CRYBG1: variants seen among roughly 807,000 people sequenced by gnomAD.
CRYBG1 encodes the protein crystallin beta-gamma domain containing 1, also known as beta/gamma crystallin domain-containing protein 1.
A neutral mutation model predicts 189.2 loss-of-function variants in CRYBG1; 139 were observed. The observed-to-expected ratio is 0.73, with a 90% CI of 0.64 to 0.85. The LOEUF (loss-of-function observed/expected upper bound fraction) is 0.85. Ranked by LOEUF, CRYBG1 falls within the 40% of genes least tolerant of loss-of-function variation. The pLI is 0.00. For synonymous variants in CRYBG1, 1,023 were observed against 1,017.1 expected (o/e 1.01, Z -0.11); for missense variants, 2,611 against 2,675.8 (o/e 0.98, Z 0.53).
chr6:106,415,366 C>T (rs936914342), intron 1 of CRYBG1, among the ~76,000 whole-genome samples: 5 of 152,254 alleles, frequency 3.3e-5, no homozygotes, highest in African/African-American at 9.6e-5. Flanking sequence ...CTACCTCTGC[C>T]CTCAAGGTTG....
chr6:106,478,280 T>G (rs1326756613), intron 2 of CRYBG1, among the ~76,000 whole-genome samples: 1 of 152,252 alleles, frequency 6.6e-6, no homozygotes, highest in Non-Finnish European at 1.5e-5. Context: ...GAAGATTAGA[T>G]CTATCTTATC....
intron 1 of CRYBG1, among the ~76,000 whole-genome samples, chr6:106,434,254 A>G (rs9386541): frequency 0.6 from 91,706 of 151,850 alleles, 29,000 homozygotes; most frequent in African/African-American, 0.79. Flanking sequence ...GAAGTGAGGT[A>G]TCACCACTTC....
intron 1 of CRYBG1, among the ~76,000 whole-genome samples, chr6:106,373,798 T>C (rs138192912): frequency 1.3e-5 from 2 of 152,358 alleles, no homozygotes; most frequent in Admixed American, 6.5e-5. Flanking sequence ...TCATTAATAC[T>C]GTTCATTTTC....
At chr6:106,546,410 AT>A (rs1387790546) in intron 13 of CRYBG1, among the ~76,000 whole-genome samples, 1 of 152,250 alleles carries the variant, frequency 6.6e-6, no homozygotes, top group East Asian at 1.9e-4. Flanking sequence ...GACATAGACT[AT>A]TTGAATCATC....
At chr6:106,391,137 G>A (rs939378249) in intron 1 of CRYBG1, among the ~76,000 whole-genome samples, 9 of 152,052 alleles carry the variant, frequency 5.9e-5, no homozygotes, top group Admixed American at 2.6e-4. Flanking sequence ...GCGTGATCTC[G>A]GCTCACTGGT....
intron 2 of CRYBG1, among the ~76,000 whole-genome samples, chr6:106,457,555 G>T (rs1771914122): frequency 6.6e-6 from 1 of 152,132 alleles, no homozygotes; most frequent in Non-Finnish European, 1.5e-5. Flanking sequence ...CTTACTTAAA[G>T]GACTTACTAG....
chr6:106,378,121 C>A (rs147157533), intron 1 of CRYBG1, among the ~76,000 whole-genome samples: 4 of 152,146 alleles, frequency 2.6e-5, no homozygotes, highest in Admixed American at 2.0e-4. Context: ...TGTCACCCCC[C>A]GGTCATCCCT....
In CRYBG1 at chr6:106,512,020, C is replaced by A. The variant is rs1017939223; in HGVS notation, c.903C>A (p.Thr301=). ...TGAGGGGTGCGCCAGGGTCGCCCACCCAGGAGCGGCCCGCGGGAGGACTAG... is the reference window on the plus strand; with the variant it reads ...TGAGGGGTGCGCCAGGGTCGCCCACACAGGAGCGGCCCGCGGGAGGACTAG... ...LGVRGAPGSP[T]QERPAGGLGE... Residue 301 remains threonine (T), a synonymous_variant, in exon 3 of 22, where the codon ACC becomes ACA. Coordinates refer to ENST00000633556, the MANE Select transcript of CRYBG1 (RefSeq NM_001371242.2). The A allele has an allele frequency of 3.3e-6, 5 of 1,529,326 alleles. No individual in the cohort carries two copies. Among genetic ancestry groups the A allele is most frequent in the Non-Finnish European group, 4.4e-6 (5 of 1,143,404 alleles). The allele number at this position is 1,529,326 out of a possible 1,614,324, so 94.7% of individuals were successfully genotyped here. A position where few individuals can be genotyped will look rare whatever the true frequency, so the allele number is the denominator to read the frequency against.
intron 1 of CRYBG1, among the ~76,000 whole-genome samples, chr6:106,374,749 C>T (rs748201858): frequency 3.9e-5 from 6 of 152,088 alleles, no homozygotes; most frequent in African/African-American, 7.2e-5. Context: ...TAAAGATATG[C>T]ATATTGATAT....
intron 1 of CRYBG1, among the ~76,000 whole-genome samples, chr6:106,388,494 T>G (rs1473028593): frequency 6.6e-6 from 1 of 152,224 alleles, no homozygotes; most frequent in Non-Finnish European, 1.5e-5. Context: ...ATTAGCAACT[T>G]AAGAGCAAAG....
intron 8 of CRYBG1, among the ~76,000 whole-genome samples, chr6:106,532,682 A>G (rs945564032): frequency 1.3e-5 from 2 of 151,872 alleles, no homozygotes; most frequent in African/African-American, 4.8e-5. Context: ...TTTTTCATAT[A>G]CCTCTTGGCC....
intron 1 of CRYBG1, among the ~76,000 whole-genome samples, chr6:106,378,326 G>A (rs1189002234): frequency 5.3e-5 from 8 of 152,152 alleles, no homozygotes; most frequent in Non-Finnish European, 7.3e-5. Flanking sequence ...CTGTTCTGAA[G>A]CTGGTACGGG....
At chr6:106,404,719 G>A (rs74459458) in intron 1 of CRYBG1, among the ~76,000 whole-genome samples, 4,799 of 151,922 alleles carry the variant, frequency 0.032, 263 homozygotes, top group African/African-American at 0.11. Flanking sequence ...GAGTGGGTGC[G>A]GCCCACCGAG....
intron 2 of CRYBG1, among the ~76,000 whole-genome samples, chr6:106,490,741 A>G (rs1772703136): frequency 6.6e-6 from 1 of 152,222 alleles, no homozygotes; most frequent in African/African-American, 2.4e-5. Context: ...AAGAATGAGC[A>G]TGTGAGGAAA....
At chr6:106,391,675 CTAATG>C (rs1770507061) in intron 1 of CRYBG1, among the ~76,000 whole-genome samples, 5 of 151,994 alleles carry the variant, frequency 3.3e-5, no homozygotes, top group East Asian at 3.9e-4. Context: ...CCTTATTTGT[CTAATG>C]CTTTTTGGCC....
intron 1 of CRYBG1, among the ~76,000 whole-genome samples, chr6:106,419,104 G>A (rs554747986): frequency 5.9e-5 from 9 of 152,244 alleles, no homozygotes; most frequent in South Asian, 2.1e-4. Flanking sequence ...AGATGGAGCC[G>A]CCATGTTGAA....
At chr6:106,378,736 C>T (rs1770223330) in intron 1 of CRYBG1, among the ~76,000 whole-genome samples, 2 of 152,334 alleles carry the variant, frequency 1.3e-5, no homozygotes, top group Non-Finnish European at 1.5e-5. Flanking sequence ...TATTTCACTA[C>T]AGTAGATAGA....
chr6:106,517,005 A>AC (rs1773437772), intron 3 of CRYBG1, among the ~76,000 whole-genome samples: 1 of 127,400 alleles, frequency 7.8e-6, no homozygotes, highest in Admixed American at 8.2e-5. Context: ...AATGGTTTAG[A>AC]CTTTTTTTTT....
intron 1 of CRYBG1, among the ~76,000 whole-genome samples, chr6:106,406,652 C>T (rs548613261): frequency 3.3e-5 from 5 of 152,290 alleles, no homozygotes; most frequent in East Asian, 3.9e-4. Context: ...GTCGGGTTAC[C>T]AACAAAGGGA....
Sources: gnomAD v4.1 joint callset for allele counts (sites outside exome capture counted in the v4.1 genomes callset) on GRCh38, gnomAD v4.1.1 for gene constraint, MANE v1.5 for transcripts, NCBI Gene and HGNC (gene_info 2026-07-23, HGNC 2026-07-21) for gene names.